The following GALNT13 variants were observed in gnomAD, a reference collection of about 807,000 sequenced individuals.
The protein encoded by GALNT13 is polypeptide N-acetylgalactosaminyltransferase 13.
A neutral mutation model predicts 64.2 loss-of-function variants in GALNT13; 28 were observed. The ratio of observed to expected loss-of-function variants is 0.44; its 90% CI spans 0.32 to 0.60. The LOEUF is 0.60. Among genes scored for constraint, GALNT13 ranks in the 20% least tolerant of loss-of-function variants. GALNT13 has a pLI of 0.05. For synonymous variants in GALNT13, 214 were observed against 224.6 expected, an observed-to-expected ratio of 0.95 and a Z score of 0.42; for missense variants, 577 against 669.8, an observed-to-expected ratio of 0.86 and a Z score of 1.53.
At chr2:153,529,294 A>G in the GALNT13 span, among the ~76,000 whole-genome samples, 3 of 152,110 alleles carry the variant, frequency 2.0e-5, no homozygotes, top group Non-Finnish European at 4.4e-5. Context: ...CTATATGCCA[A>G]TAATTTGGAA....
the GALNT13 span, among the ~76,000 whole-genome samples, chr2:153,227,523 G>A: frequency 3.3e-5 from 5 of 152,154 alleles, no homozygotes; most frequent in South Asian, 6.2e-4. Context: ...AAAGAATTAC[G>A]GTAATGTGGG....
the GALNT13 span, among the ~76,000 whole-genome samples, chr2:153,423,207 T>C: frequency 6.6e-6 from 1 of 151,870 alleles, no homozygotes; most frequent in South Asian, 2.1e-4. Context: ...AGCATAACAA[T>C]GTTAAAACGT....
chr2:153,599,839 C>T, the GALNT13 span, among the ~76,000 whole-genome samples: 1 of 151,890 alleles, frequency 6.6e-6, no homozygotes, highest in Non-Finnish European at 1.5e-5. Context: ...CCATAAATCA[C>T]ATGTAAATAA....
chr2:153,103,165 G>C, the GALNT13 span, among the ~76,000 whole-genome samples: 4 of 152,106 alleles, frequency 2.6e-5, no homozygotes, highest in African/African-American at 9.7e-5. Context: ...CCTGCAACCA[G>C]AAGAATAAAC....
chr2:154,416,750 C>T (rs1017706050), intron 11 of GALNT13, among the ~76,000 whole-genome samples: 6 of 152,106 alleles, frequency 3.9e-5, no homozygotes, highest in African/African-American at 1.4e-4. Context: ...ATCATTTGAT[C>T]AGTCAGGTGT....
the GALNT13 span, among the ~76,000 whole-genome samples, chr2:153,377,845 TAA>T: frequency 6.6e-6 from 1 of 152,078 alleles, no homozygotes; most frequent in African/African-American, 2.4e-5. Context: ...AGATTAACAA[TAA>T]AGAGAGTTCG....
At chr2:153,480,333 T>G in the GALNT13 span, among the ~76,000 whole-genome samples, 3 of 152,332 alleles carry the variant, frequency 2.0e-5, no homozygotes, top group African/African-American at 7.2e-5. Flanking sequence ...TAAAATAGAA[T>G]GAAATGCCTT....
At chr2:153,964,635 T>C (rs186295136) in intron 3 of GALNT13, among the ~76,000 whole-genome samples, 1 of 152,222 alleles carries the variant, frequency 6.6e-6, no homozygotes, top group Non-Finnish European at 1.5e-5. Context: ...AGACTGAATC[T>C]TCTCTAGATA....
chr2:153,971,774 T>C lies in GALNT13; in HGVS notation c.142+27135T>C, dbSNP rs571591911. ...TAAATCTTTTCATATTTTATGCAAA[T>C]TGATAAAATATATCATAACCATTAT... On this transcript the variant is annotated intron_variant, in intron 3 of 12. Transcript: ENST00000392825. Among the ~76,000 whole-genome samples the C allele has an allele frequency of 5.3e-5, 8 of 152,218 alleles. No individual in the cohort carries two copies. The East Asian group carries it at 1.4e-3, about 26-fold the overall frequency.
chr2:154,339,727 G>GTT (rs2105219828), intron 9 of GALNT13, among the ~76,000 whole-genome samples: 1 of 152,060 alleles, frequency 6.6e-6, no homozygotes, highest in South Asian at 2.1e-4. Context: ...TTTAAATTCT[G>GTT]ATTTCCAAGG....
At chr2:154,409,481 T>C in intron 11 of GALNT13, 1 of 221,250 alleles carries the variant, frequency 4.5e-6, no homozygotes, top group South Asian at 6.8e-5. Context: ...TTATGATTTT[T>C]AAGAGCTTTT....
At chr2:153,345,624 T>C in the GALNT13 span, among the ~76,000 whole-genome samples, 5,726 of 121,358 alleles carry the variant, frequency 0.047, 198 homozygotes, top group Non-Finnish European at 0.073. Context: ...TTTTCTTTTC[T>C]TTTCCTTTCT....
intron 3 of GALNT13, among the ~76,000 whole-genome samples, chr2:154,002,762 A>G (rs1337171412): frequency 1.3e-5 from 2 of 151,972 alleles, no homozygotes; most frequent in African/African-American, 4.8e-5. Context: ...TCTTCCATCT[A>G]TTGCAGTTGT....
intron 7 of GALNT13, among the ~76,000 whole-genome samples, chr2:154,252,777 AGAT>A (rs1056151774): frequency 2.6e-5 from 4 of 151,378 alleles, no homozygotes; most frequent in Admixed American, 6.6e-5. Context: ...ATAGATAGAT[AGAT>A]AATAGATAAG....
chr2:153,294,908 A>G, the GALNT13 span, among the ~76,000 whole-genome samples: 1 of 152,196 alleles, frequency 6.6e-6, no homozygotes, highest in Non-Finnish European at 1.5e-5. Context: ...TCTAAACCAA[A>G]GCTTTAGACT....
chr2:154,426,879 A>G (rs1700493650), intron 11 of GALNT13, among the ~76,000 whole-genome samples: 1 of 152,162 alleles, frequency 6.6e-6, no homozygotes, highest in Non-Finnish European at 1.5e-5. Context: ...AAGACAAATT[A>G]TTTTCATTTC....
At chr2:153,372,099 G>A in the GALNT13 span, among the ~76,000 whole-genome samples, 1 of 152,286 alleles carries the variant, frequency 6.6e-6, no homozygotes, top group East Asian at 1.9e-4. Context: ...CTGACTTAGT[G>A]TGTGTTGAAA....
chr2:153,817,474 C>T, the GALNT13 span, among the ~76,000 whole-genome samples: 6,994 of 152,258 alleles, frequency 0.046, 199 homozygotes, highest in East Asian at 0.13. Context: ...TCACCCTGAC[C>T]TGTCTTCAGC....
chr2:153,354,510 A>G, the GALNT13 span, among the ~76,000 whole-genome samples: 1 of 152,240 alleles, frequency 6.6e-6, no homozygotes, highest in South Asian at 2.1e-4. Flanking sequence ...ACACTAAGAT[A>G]ACAACAAGGC....
Sources: allele counts gnomAD v4.1 joint callset (sites outside exome capture counted in the v4.1 genomes callset), GRCh38; gene constraint gnomAD v4.1.1; transcripts MANE v1.5; gene names NCBI Gene and HGNC (gene_info 2026-07-23, HGNC 2026-07-21).